MUC4: variants seen among roughly 807,000 people sequenced by gnomAD.
MUC4 encodes the protein mucin 4, cell surface associated, also known as mucin-4.
In MUC4, 202 loss-of-function variants were observed where a neutral mutation model predicts 257.9. The ratio of observed to expected loss-of-function variants is 0.78; its 90% CI spans 0.70 to 0.88. The LOEUF (loss-of-function observed/expected upper bound fraction) is 0.88. Among genes scored for constraint, MUC4 ranks in the 40% least tolerant of loss-of-function variants. The probability of loss-of-function intolerance (pLI) is 0.00; values close to 1 mark genes in which losing one functional copy is unlikely to be tolerated. For synonymous variants in MUC4, 2,351 were observed against 2,757.1 expected (o/e 0.85, Z 4.62); for missense variants, 5,976 against 6,513.7 (o/e 0.92, Z 2.84).
At chr3:195,752,959 C>A in intron 20 of MUC4, 92 bp downstream of exon 20, 1 of 1,159,838 alleles carries the variant, frequency 8.6e-7, no homozygotes, top group Non-Finnish European at 1.2e-6. Flanking sequence ...CCAGAGCTTC[C>A]TCATCTTCCC....
At chr3:195,794,925 G>A (rs1462627164) in intron 1 of MUC4, among the ~76,000 whole-genome samples, 1 of 152,192 alleles carries the variant, frequency 6.6e-6, no homozygotes, top group East Asian at 1.9e-4. Context: ...AAACCGACGT[G>A]GACAAAGGCA....
At chr3:195,797,865 A>C (rs1310344489) in intron 1 of MUC4, among the ~76,000 whole-genome samples, 1 of 152,140 alleles carries the variant, frequency 6.6e-6, no homozygotes, top group Non-Finnish European at 1.5e-5. Flanking sequence ...CAGTGCTTTG[A>C]GAGGCTGAGG....
At chr3:195,763,968 TCCAGATG>T (rs760919751) in intron 11 of MUC4, 70 bp downstream of exon 11, 5 of 781,778 alleles carry the variant, frequency 6.4e-6, no homozygotes, top group Non-Finnish European at 8.4e-6. Flanking sequence ...CTACTCCTTA[TCCAGATG>T]CCACCTCCCG....
At chr3:195,794,923 G>A (rs892613631) in intron 1 of MUC4, among the ~76,000 whole-genome samples, 5 of 152,216 alleles carry the variant, frequency 3.3e-5, no homozygotes, top group Admixed American at 6.5e-5. Flanking sequence ...GTAAACCGAC[G>A]TGGACAAAGG....
chr3:195,767,666 T>TCGCCACCAC (rs1560263165), intron 7 of MUC4, among the ~76,000 whole-genome samples: 2 of 18,908 alleles, frequency 1.1e-4, no homozygotes, highest in Admixed American at 1.1e-3. Context: ...ACCACCACCA[T>TCGCCACCAC]CACCATCACC....
chr3:195,804,007 C>T (rs1178787736), intron 1 of MUC4, among the ~76,000 whole-genome samples: 1 of 152,118 alleles, frequency 6.6e-6, no homozygotes, highest in African/African-American at 2.4e-5. Flanking sequence ...AGTGTGAAGG[C>T]TGTTGACACC....
chr3:195,767,651 C>T (rs1345140565), intron 7 of MUC4, among the ~76,000 whole-genome samples: 19 of 93,792 alleles, frequency 2.0e-4, no homozygotes, highest in African/African-American at 3.7e-4. Flanking sequence ...ATCGCCACCA[C>T]CACCACCACC....
rs779229638 is a variant in MUC4, at chr3:195,764,990, C to G, written c.13924+7G>C. The G allele has an allele frequency of 1.2e-6, 2 of 1,613,262 alleles. No homozygotes were observed. Among genetic ancestry groups the G allele is most frequent in the Non-Finnish European group, 1.7e-6 (2 of 1,179,650 alleles). ...GAAGGTGGGGTTGAGATCACGGACT[C>G]ACGCACCCAACTGCCAAGGACGCTG... On this transcript the variant is annotated splice_region_variant and intron_variant, in intron 10 of 24. Transcript: ENST00000463781.
At position 195,757,114 on chromosome 3, in the gene MUC4, A is replaced by C. The variant is rs1422304627; in HGVS notation, c.15168+33T>G. The C allele has an allele frequency of 1.3e-5, 20 of 1,572,732 alleles. No homozygotes were observed. The highest frequency in any genetic ancestry group is 1.6e-5 in the Non-Finnish European group (18 of 1,150,486). On this transcript the variant is annotated intron_variant, in intron 18 of 24. Transcript: ENST00000463781. The surrounding 1 kb of genome is among the most constrained non-coding windows in gnomAD (Gnocchi z 4.8). Reference sequence around the variant, plus strand: ...CACTCCCATTTCCTCTCCCCTCGGCACAGAAACTCCTCCCCCACCTCCCAA... The same window carrying C: ...CACTCCCATTTCCTCTCCCCTCGGCCCAGAAACTCCTCCCCCACCTCCCAA...
chr3:195,769,108 G>A lies in MUC4; in HGVS notation c.13443C>T (p.Ser4481=). The part of the protein sequence containing the change: ...QAILSTDGSR[S]YALFLYQSGG... Reference sequence around the variant, plus strand: ...CGCTCTGGTAGAGAAACAGGGCATAGGACCTGCTCCCGTCCGTGGAGAGGA... The same window carrying A: ...CGCTCTGGTAGAGAAACAGGGCATAAGACCTGCTCCCGTCCGTGGAGAGGA... Residue 4481 remains serine (S), a synonymous_variant, in exon 7 of 25, where the codon TCC becomes TCT. Coordinates refer to ENST00000463781, the MANE Select transcript of MUC4 (RefSeq NM_018406.7). 6.2e-7 allele frequency: 1 copy of A among 1,614,182 alleles called. No individual in the cohort carries two copies. The highest frequency in any genetic ancestry group is 8.5e-7 in the Non-Finnish European group (1 of 1,180,024).
chr3:195,764,633 C>T (rs950442526), intron 10 of MUC4, among the ~76,000 whole-genome samples: 2 of 151,968 alleles, frequency 1.3e-5, no homozygotes, highest in African/African-American at 4.8e-5. Flanking sequence ...CCCCACACCC[C>T]TGCGCTCTCC....
In MUC4 at chr3:195,748,931, G is replaced by T. The variant is rs201333491; in HGVS notation, c.16005C>A (p.Cys5335Ter). The part of the protein sequence containing the change: ...SRGYCDHGGQ[C>*]QHLPSGPRCS... ...AGCGGGGCCCACTGGGCAGGTGCTGGCACTGGCCTCCATGGTCACAGTAGC... is the reference window on the plus strand; with the variant it reads ...AGCGGGGCCCACTGGGCAGGTGCTGTCACTGGCCTCCATGGTCACAGTAGC... Residue 5335 changes from cysteine (C) to a stop codon, truncating the protein, a stop_gained, in exon 24 of 25, where the codon TGC becomes TGA. Coordinates refer to ENST00000463781, the MANE Select transcript of MUC4 (RefSeq NM_018406.7). LOFTEE classifies it low-confidence loss of function (END_TRUNC). 3.8e-6 allele frequency: 6 copies of T among 1,595,834 alleles called. No homozygotes were observed. Among genetic ancestry groups the T allele is most frequent in the African/African-American group, 1.4e-5 (1 of 73,934 alleles).
chr3:195,803,315 C>T (rs1735583928), intron 1 of MUC4, among the ~76,000 whole-genome samples: 1 of 152,256 alleles, frequency 6.6e-6, no homozygotes, highest in South Asian at 2.1e-4. Context: ...AGGCTTTCCC[C>T]TCTGAAAATT....
rs545603027 is a variant in MUC4, at chr3:195,781,630, T to G, written c.9950A>C (p.Asp3317Ala). 4.2e-3 allele frequency: 1,741 copies of G among 417,596 alleles called. 6 individuals are homozygous for G. The African/African-American group carries it at 0.061, about 15-fold the overall frequency. 25.9% of individuals were successfully genotyped at this position (417,596 alleles called of 1,614,324 possible). ...TGHATPLLVTDASSASTGHAT... is the reference protein window; with the variant it reads ...TGHATPLLVTAASSASTGHAT... ...GTGACCTGTGGATGCTGAGGAAGCG[T>G]CGGTGACAAGAAGAGGAGTGGCGTG... is the stretch of plus-strand genomic sequence containing the variant. The change falls in exon 2 of 25, where the codon GAC (aspartate) becomes GCC (alanine). Residue 3317 changes from aspartate (D) to alanine (A), a missense_variant. This residue lies in a region of MUC4 where 72 missense variants were observed against 33.5 expected (regional missense o/e 2.15). Coordinates refer to ENST00000463781, the MANE Select transcript of MUC4 (RefSeq NM_018406.7).
At chr3:195,762,493 G>A (rs77622307) in intron 13 of MUC4, among the ~76,000 whole-genome samples, 1 of 116,756 alleles carries the variant, frequency 8.6e-6, no homozygotes, top group South Asian at 2.8e-4. Flanking sequence ...CACCGGGCCC[G>A]GCACCACAAC....
rs189554594 is a variant in MUC4 at position 195,798,020 on chromosome 3, A to T, written c.83-6523T>A. ...TATAGTTCCAGCTACTCAGAAGTTG[A>T]GGGGGGAGGATCACTTGAGCCCAAG... On this transcript the variant is annotated intron_variant, in intron 1 of 24. Coordinates refer to ENST00000463781, the MANE Select transcript of MUC4 (RefSeq NM_018406.7). Among the ~76,000 whole-genome samples, 132 of 152,206 alleles carry T rather than the reference A, an allele frequency of 8.7e-4. 1 individual carries two copies. The highest frequency in any genetic ancestry group is 1.5e-3 in the Non-Finnish European group (99 of 68,012).
intron 24 of MUC4, among the ~76,000 whole-genome samples, chr3:195,747,901 G>A (rs1331924848): frequency 6.6e-6 from 1 of 152,272 alleles, no homozygotes; most frequent in East Asian, 1.9e-4. Flanking sequence ...TCAGCTGCAC[G>A]TGCAGTCAGC....
Position 195,789,719 on chromosome 3 carries a change from T to C in MUC4, c.1861A>G (p.Ile621Val), listed in dbSNP as rs1357395492. 1 of 1,613,964 alleles carries C rather than the reference T, an allele frequency of 6.2e-7. No homozygotes were observed. The highest frequency in any genetic ancestry group is 1.7e-5 in the Admixed American group (1 of 60,018). Residue 621 changes from isoleucine to valine, a missense_variant, in exon 2 of 25, where the codon ATA (isoleucine) becomes GTA (valine). Around this residue, in one of 44 missense-constraint regions of MUC4, gnomAD observed 1,583 missense variants for 1,257.4 expected, o/e 1.26. Transcript: ENST00000463781. ...TGAGGAGAGGTGCTTGTGGAATGTA[T>C]TGTTGAATGATTTGTTGATGGTGCC... ...TTAPSTNHSTIHSTSTSPQES... is the reference protein window; with the variant it reads ...TTAPSTNHSTVHSTSTSPQES...
intron 1 of MUC4, among the ~76,000 whole-genome samples, chr3:195,799,009 C>T (rs1241086854): frequency 6.6e-6 from 1 of 152,064 alleles, no homozygotes; most frequent in Non-Finnish European, 1.5e-5. Context: ...CTAACAAAGC[C>T]ACTCCCCCAA....
Sources: allele counts gnomAD v4.1 joint callset (sites outside exome capture counted in the v4.1 genomes callset), GRCh38; gene constraint gnomAD v4.1.1; regional missense constraint gnomAD v4.1.1; non-coding constraint Gnocchi (gnomAD v3.1); transcripts MANE v1.5; gene names NCBI Gene and HGNC (gene_info 2026-07-23, HGNC 2026-07-21).